INSC: variants seen among roughly 807,000 people sequenced by gnomAD.
The protein encoded by INSC is INSC spindle orientation adaptor protein.
In INSC, 67 loss-of-function variants were observed where a neutral mutation model predicts 58.6. The observed-to-expected ratio is 1.14, with a 90% CI of 0.94 to 1.40. The LOEUF (loss-of-function observed/expected upper bound fraction) is 1.40, where lower values mean the gene tolerates loss of function less well. Ranked by LOEUF, INSC falls within the 40% of genes most tolerant of loss-of-function variation. The pLI is 0.00. For synonymous variants in INSC, 262 were observed against 276.1 expected, an observed-to-expected ratio of 0.95 and a Z score of 0.51; for missense variants, 714 against 692.0, an observed-to-expected ratio of 1.03 and a Z score of -0.36.
chr11:15,255,354 G>A, the INSC span, among the ~76,000 whole-genome samples: 4 of 152,164 alleles, frequency 2.6e-5, no homozygotes, highest in South Asian at 8.3e-4. Flanking sequence ...CAGGGAGAAG[G>A]AGAATAGGCA....
chr11:15,225,980 A>T (rs550950033), intron 9 of INSC, 152 bp downstream of exon 9: 1 of 739,978 alleles, frequency 1.4e-6, no homozygotes, highest in Admixed American at 2.9e-5. Flanking sequence ...CACGTTTCTC[A>T]TTGACTTTGT....
intron 1 of INSC, among the ~76,000 whole-genome samples, chr11:15,137,722 T>C (rs1848278206): frequency 2.0e-5 from 3 of 152,236 alleles, no homozygotes; most frequent in African/African-American, 7.2e-5. Flanking sequence ...TAAGGGAATG[T>C]TGTGTCTGGT....
chr11:15,266,818 A>G, the INSC span, among the ~76,000 whole-genome samples: 1 of 151,988 alleles, frequency 6.6e-6, no homozygotes, highest in Non-Finnish European at 1.5e-5. Context: ...CAACCACTTC[A>G]TGCAAGTTTC....
In INSC at chr11:15,172,677, C is replaced by G. The variant is rs990841610; in HGVS notation, c.57-3064C>G. 2.2e-4 allele frequency among the ~76,000 whole-genome samples: 33 copies of G among 152,170 alleles called. 1 individual carries two copies. The highest frequency in any genetic ancestry group is 7.0e-4 in the African/African-American group (29 of 41,440). ...GAGAAGAAGAAAAGAGGTTTCTAAT[C>G]TGAGGGAGAACTTCATGTTCAAGGC... is the stretch of plus-strand genomic sequence containing the variant. On this transcript the variant is annotated intron_variant, in intron 2 of 12. Coordinates refer to ENST00000379556, the MANE Select transcript of INSC (RefSeq NM_001042536.3).
At chr11:15,258,550 A>G in the INSC span, among the ~76,000 whole-genome samples, 1 of 152,218 alleles carries the variant, frequency 6.6e-6, no homozygotes, top group South Asian at 2.1e-4. Context: ...TAAAGCTCCT[A>G]CAATATCCTG....
intron 1 of INSC, among the ~76,000 whole-genome samples, chr11:15,124,280 C>T (rs1394535657): frequency 3.9e-5 from 6 of 152,178 alleles, no homozygotes; most frequent in African/African-American, 1.4e-4. Flanking sequence ...TGGTCTAGGG[C>T]TGGGCTGGGT....
At chr11:15,171,345 C>G (rs947361155) in intron 2 of INSC, among the ~76,000 whole-genome samples, 2 of 152,106 alleles carry the variant, frequency 1.3e-5, no homozygotes, top group African/African-American at 4.8e-5. Context: ...TGCCCACCCT[C>G]CAGTATCTTC....
In INSC at chr11:15,239,064, G is replaced by A; in HGVS notation, c.1383G>A (p.Val461=). 2 of 1,612,950 alleles carry A rather than the reference G, an allele frequency of 1.2e-6. No individual in the cohort carries two copies. Among genetic ancestry groups the A allele is most frequent in the South Asian group, 1.1e-5 (1 of 90,998 alleles). ...SRDPDVAREA[V]RLSCMSRLIE... ...ACCCAGATGTGGCACGGGAGGCCGTGCGGCTCAGCTGTGAGTGGTGCTTTC... is the reference window on the plus strand; with the variant it reads ...ACCCAGATGTGGCACGGGAGGCCGTACGGCTCAGCTGTGAGTGGTGCTTTC... The change falls in exon 11 of 13, where the codon GTG becomes GTA. Residue 461 remains valine, a synonymous_variant. Transcript: ENST00000379556.
intron 7 of INSC, among the ~76,000 whole-genome samples, chr11:15,204,823 C>T (rs1388967854): frequency 2.6e-5 from 4 of 152,204 alleles, no homozygotes; most frequent in Non-Finnish European, 5.9e-5. Context: ...CAGTGGGAAA[C>T]GTGCTGGATT....
In INSC at chr11:15,225,702, C is replaced by G. The variant is rs375811848; in HGVS notation, c.1044C>G (p.Ala348=). ...AAGTCTTCCTACTGGCCTCTGCGGC[C>G]CTTGCCAACATCACGTTCTTTGACA... is the stretch of plus-strand genomic sequence containing the variant. ...SGEVFLLASA[A]LANITFFDTM... is the part of the protein sequence containing the mutation. The change falls in exon 9 of 13, where the codon GCC becomes GCG. Residue 348 remains alanine, a synonymous_variant. Coordinates refer to ENST00000379556, the MANE Select transcript of INSC (RefSeq NM_001042536.3). 786 of 1,614,064 alleles carry G rather than the reference C, an allele frequency of 4.9e-4. No homozygotes were observed. Among genetic ancestry groups the G allele is most frequent in the Non-Finnish European group, 6.1e-4 (720 of 1,180,042 alleles).
intron 2 of INSC, among the ~76,000 whole-genome samples, chr11:15,172,414 A>G (rs371637314): frequency 1.3e-5 from 2 of 152,240 alleles, no homozygotes; most frequent in African/African-American, 2.4e-5. Flanking sequence ...AACAATGGGC[A>G]TACATTTTCT....
intron 6 of INSC, among the ~76,000 whole-genome samples, chr11:15,191,868 G>A (rs1850190877): frequency 6.6e-6 from 1 of 152,128 alleles, no homozygotes; most frequent in Admixed American, 6.5e-5. Flanking sequence ...GGAGAATCTG[G>A]GTCCTCTATT....
chr11:15,255,845 A>G, the INSC span, among the ~76,000 whole-genome samples: 702 of 152,260 alleles, frequency 4.6e-3, 10 homozygotes, highest in African/African-American at 0.016. Flanking sequence ...AAAGGGGTCT[A>G]TAAAGGGATA....
chr11:15,216,730 G>T (rs1356077962), intron 7 of INSC, among the ~76,000 whole-genome samples: 2 of 152,196 alleles, frequency 1.3e-5, no homozygotes, highest in Non-Finnish European at 2.9e-5. Context: ...CCAGTGCAAA[G>T]AGCTGAGGTT....
intron 6 of INSC, among the ~76,000 whole-genome samples, chr11:15,193,775 A>G (rs1476111882): frequency 6.6e-6 from 1 of 152,246 alleles, no homozygotes; most frequent in Non-Finnish European, 1.5e-5. Flanking sequence ...TCTTTATAGT[A>G]GCATGATTTA....
the INSC span, among the ~76,000 whole-genome samples, chr11:15,267,298 C>T: frequency 6.6e-6 from 1 of 151,930 alleles, no homozygotes; most frequent in Non-Finnish European, 1.5e-5. Flanking sequence ...CTGTCTTAAG[C>T]AATTAGGTTA....
chr11:15,189,523 T>C (rs1231057118), intron 5 of INSC, among the ~76,000 whole-genome samples: 2 of 152,190 alleles, frequency 1.3e-5, no homozygotes, highest in African/African-American at 4.8e-5. Context: ...CACGTGCCAC[T>C]GCAGATGGCT....
chr11:15,223,632 G>A (rs1333554007), intron 8 of INSC, among the ~76,000 whole-genome samples: 1 of 152,194 alleles, frequency 6.6e-6, no homozygotes, highest in Admixed American at 6.5e-5. Flanking sequence ...TGAGAATGAG[G>A]GGGAGTGTTA....
At chr11:15,228,773 C>T (rs907486833) in intron 9 of INSC, among the ~76,000 whole-genome samples, 1 of 152,218 alleles carries the variant, frequency 6.6e-6, no homozygotes, top group Non-Finnish European at 1.5e-5. Flanking sequence ...CTTCCATCAT[C>T]CTGGCAAGCC....
Sources: gnomAD v4.1 joint callset for allele counts (sites outside exome capture counted in the v4.1 genomes callset) on GRCh38, gnomAD v4.1.1 for gene constraint, MANE v1.5 for transcripts, NCBI Gene and HGNC (gene_info 2026-07-23, HGNC 2026-07-21) for gene names.